Variants in TENM3 observed in about 807,000 individuals in gnomAD.
TENM3 encodes teneurin-3.
In TENM3, 63 loss-of-function variants were observed where a neutral mutation model predicts 255.1. That is an observed-to-expected ratio of 0.25 (90% CI 0.20 to 0.30). The LOEUF is 0.30. Ranked by LOEUF, TENM3 falls within the 10% of genes least tolerant of loss-of-function variation. TENM3 has a pLI of 1.00. For missense variants in TENM3, 2,929 were observed against 3,461.1 expected (o/e 0.85, Z 3.86); for synonymous variants, 1,306 against 1,322.3 (o/e 0.99, Z 0.27).
At chr4:181,493,289 C>T in the TENM3 span, among the ~76,000 whole-genome samples, 1 of 119,584 alleles carries the variant, frequency 8.4e-6, no homozygotes, top group African/African-American at 3.2e-5. Context: ...GGGCAAGAAC[C>T]AGTCTCTAAA....
the TENM3 span, among the ~76,000 whole-genome samples, chr4:181,470,970 G>T: frequency 8.9e-6 from 1 of 112,050 alleles, no homozygotes; most frequent in Non-Finnish European, 1.9e-5. Flanking sequence ...TGCATAATTT[G>T]CTTAGGTTTG....
the TENM3 span, among the ~76,000 whole-genome samples, chr4:181,728,239 G>A: frequency 1.3e-5 from 2 of 152,068 alleles, no homozygotes; most frequent in African/African-American, 2.4e-5. Flanking sequence ...TAGCAGTTAC[G>A]GGAAAGGGGT....
At chr4:181,584,345 A>T in the TENM3 span, among the ~76,000 whole-genome samples, 1 of 152,188 alleles carries the variant, frequency 6.6e-6, no homozygotes, top group East Asian at 1.9e-4. Flanking sequence ...ACTTCTGAGG[A>T]AGTCTCAGTG....
At chr4:181,679,248 C>T in the TENM3 span, among the ~76,000 whole-genome samples, 1 of 152,092 alleles carries the variant, frequency 6.6e-6, no homozygotes, top group African/African-American at 2.4e-5. Flanking sequence ...CCTCATTTCC[C>T]TTTTCTTGTC....
chr4:182,763,279 G>A (rs1487440483), intron 22 of TENM3, among the ~76,000 whole-genome samples: 1 of 152,140 alleles, frequency 6.6e-6, no homozygotes, highest in South Asian at 2.1e-4. Context: ...AAGAAAAGAT[G>A]GGGGCGGGCG....
the TENM3 span, among the ~76,000 whole-genome samples, chr4:182,030,278 CTGTGTTCA>C: frequency 6.6e-6 from 1 of 151,948 alleles, no homozygotes; most frequent in Non-Finnish European, 1.5e-5. Flanking sequence ...GTTTCCCTCC[CTGTGTTCA>C]TGTGTTCTCA....
At chr4:182,499,338 T>C (rs2151639020) in intron 3 of TENM3, among the ~76,000 whole-genome samples, 1 of 152,224 alleles carries the variant, frequency 6.6e-6, no homozygotes, top group East Asian at 1.9e-4. Flanking sequence ...TCTGAAGTGT[T>C]GGTCCCACTT....
At chr4:182,355,582 T>C (rs1420465870) in intron 3 of TENM3, among the ~76,000 whole-genome samples, 1 of 152,116 alleles carries the variant, frequency 6.6e-6, no homozygotes, top group East Asian at 1.9e-4. Context: ...AATAATTGAC[T>C]TAGAGGTCAA....
the TENM3 span, among the ~76,000 whole-genome samples, chr4:181,576,407 TG>T: frequency 6.6e-6 from 1 of 152,244 alleles, no homozygotes; most frequent in Non-Finnish European, 1.5e-5. Flanking sequence ...GATGTCTTTT[TG>T]CTCTAATGAT....
intron 1 of TENM3, among the ~76,000 whole-genome samples, chr4:182,158,385 G>C (rs1046329819): frequency 6.6e-6 from 1 of 152,006 alleles, no homozygotes; most frequent in Non-Finnish European, 1.5e-5. Context: ...ATGTAGCTGC[G>C]GAGATCTGCA....
chr4:182,776,531 A>G (rs189434850), intron 24 of TENM3, among the ~76,000 whole-genome samples: 19 of 152,310 alleles, frequency 1.2e-4, no homozygotes, highest in African/African-American at 4.1e-4. Context: ...GTAAAATTTC[A>G]CTGGAAAGAG....
the TENM3 span, among the ~76,000 whole-genome samples, chr4:181,584,098 T>C: frequency 6.6e-6 from 1 of 152,236 alleles, no homozygotes; most frequent in Non-Finnish European, 1.5e-5. Flanking sequence ...TGAGTAGCAC[T>C]GACATATTCA....
chr4:182,038,759 G>A, the TENM3 span, among the ~76,000 whole-genome samples: 1 of 152,090 alleles, frequency 6.6e-6, no homozygotes, highest in Admixed American at 6.5e-5. Flanking sequence ...TTGAGACAGA[G>A]TTTCACTCTT....
At chr4:181,903,483 C>A in the TENM3 span, among the ~76,000 whole-genome samples, 2 of 152,122 alleles carry the variant, frequency 1.3e-5, no homozygotes, top group African/African-American at 4.8e-5. Context: ...TGACTGGTAA[C>A]AATTCCAGCT....
At chr4:182,047,633 C>A in the TENM3 span, among the ~76,000 whole-genome samples, 3 of 150,456 alleles carry the variant, frequency 2.0e-5, no homozygotes, top group Non-Finnish European at 3.0e-5. Flanking sequence ...TAGGCAGCAT[C>A]TATTCTAGGA....
the TENM3 span, among the ~76,000 whole-genome samples, chr4:181,748,419 A>G: frequency 5.3e-5 from 8 of 152,134 alleles, no homozygotes; most frequent in African/African-American, 1.7e-4. Flanking sequence ...AACTTGGTCA[A>G]TAATAGAACA....
the TENM3 span, among the ~76,000 whole-genome samples, chr4:181,902,167 T>C: frequency 7.3e-6 from 1 of 137,878 alleles, no homozygotes; most frequent in African/African-American, 2.7e-5. Flanking sequence ...GATAGGTATA[T>C]TTGTATATCT....
chr4:182,331,325 C>A (rs1763742870), intron 2 of TENM3, among the ~76,000 whole-genome samples: 1 of 152,132 alleles, frequency 6.6e-6, no homozygotes, highest in Non-Finnish European at 1.5e-5. Context: ...GTGGATGGAT[C>A]ACTTGAGGCC....
chr4:182,539,636 A>C (rs1342596959), intron 3 of TENM3, among the ~76,000 whole-genome samples: 4 of 152,242 alleles, frequency 2.6e-5, no homozygotes, highest in African/African-American at 9.6e-5. Flanking sequence ...TTCGAACGAT[A>C]TTAAATTTTC....
Sources: gnomAD v4.1 joint callset for allele counts (sites outside exome capture counted in the v4.1 genomes callset) on GRCh38, gnomAD v4.1.1 for gene constraint, MANE v1.5 for transcripts, NCBI Gene and HGNC (gene_info 2026-07-23, HGNC 2026-07-21) for gene names.